The following HOMER2 variants were observed in gnomAD, a reference collection of about 807,000 sequenced individuals.
HOMER2 encodes homer protein homolog 2.
HOMER2 carries 27 observed loss-of-function variants against 47.0 expected under a neutral mutation model. That is an observed-to-expected ratio of 0.57 (90% CI 0.42 to 0.79). The LOEUF (loss-of-function observed/expected upper bound fraction) is 0.79. HOMER2 is among the 30% of genes least tolerant of loss of function. The probability of loss-of-function intolerance (pLI) is 0.00; values close to 1 mark genes in which losing one functional copy is unlikely to be tolerated. For missense variants in HOMER2, 443 were observed against 435.0 expected (o/e 1.02, Z -0.16); for synonymous variants, 161 against 163.8 (o/e 0.98, Z 0.13).
chr15:82,903,910 G>GCAGATCAGTTGACGC (rs1463970705), intron 1 of HOMER2, among the ~76,000 whole-genome samples: 3 of 152,226 alleles, frequency 2.0e-5, no homozygotes. Context: ...GCCAAGGCGG[G>GCAGATCAGTTGACGC]CAGATCAGTT....
intron 1 of HOMER2, among the ~76,000 whole-genome samples, chr15:82,952,229 C>T (rs956550983): frequency 2.6e-5 from 4 of 152,238 alleles, no homozygotes; most frequent in Non-Finnish European, 4.4e-5. Flanking sequence ...GCGGAATGGC[C>T]GAGGCAGGAG....
At chr15:82,933,042 T>A (rs183107136) in intron 1 of HOMER2, among the ~76,000 whole-genome samples, 81 of 152,008 alleles carry the variant, frequency 5.3e-4, no homozygotes, top group African/African-American at 1.6e-3. Flanking sequence ...GCTCAAGTTG[T>A]CCCTTCTCTA....
intron 2 of HOMER2, among the ~76,000 whole-genome samples, chr15:82,889,286 C>A (rs1365565600): frequency 2.0e-5 from 3 of 152,130 alleles, no homozygotes; most frequent in Admixed American, 6.5e-5. Flanking sequence ...TTCATACTCC[C>A]CCAGCCCAGG....
intron 1 of HOMER2, among the ~76,000 whole-genome samples, chr15:82,901,940 G>C (rs2053133137): frequency 6.6e-6 from 1 of 152,192 alleles, no homozygotes; most frequent in Admixed American, 6.5e-5. Context: ...CCACAACACA[G>C]GTGTATTCTT....
intron 2 of HOMER2, among the ~76,000 whole-genome samples, chr15:82,878,048 CA>C (rs1256258038): frequency 6.6e-6 from 1 of 152,196 alleles, no homozygotes; most frequent in African/African-American, 2.4e-5. Context: ...GGTCATCTCT[CA>C]ATTACCAGAA....
intron 2 of HOMER2, 115 bp downstream of exon 2, chr15:82,892,570 T>A (rs1019489453): frequency 2.6e-6 from 2 of 760,614 alleles, no homozygotes; most frequent in Non-Finnish European, 3.9e-6. Flanking sequence ...AAGAACAGAA[T>A]ATGTTATACA....
chr15:82,899,842 G>A (rs994990563), intron 1 of HOMER2, among the ~76,000 whole-genome samples: 30 of 152,110 alleles, frequency 2.0e-4, no homozygotes, highest in Admixed American at 1.7e-3. Flanking sequence ...GGCCAACATG[G>A]CAAAACACAT....
chr15:82,866,322 C>T (rs11857152), intron 3 of HOMER2, among the ~76,000 whole-genome samples: 1,531 of 152,326 alleles, frequency 0.01, 31 homozygotes, highest in African/African-American at 0.035. Flanking sequence ...GTCAATTTCT[C>T]CCATTTGGAA....
intron 8 of HOMER2, among the ~76,000 whole-genome samples, chr15:82,850,885 G>T (rs1219585811): frequency 6.6e-6 from 1 of 152,156 alleles, no homozygotes; most frequent in African/African-American, 2.4e-5. Context: ...CCAGGGATCT[G>T]CAAGGAAACA....
chr15:82,965,048 C>A (rs1024621027), intron 1 of HOMER2, among the ~76,000 whole-genome samples: 1 of 152,142 alleles, frequency 6.6e-6, no homozygotes, highest in Non-Finnish European at 1.5e-5. Flanking sequence ...GAGACAGGGT[C>A]TCACTGCATT....
chr15:82,953,858 G>T (rs971153732), upstream of HOMER2, among the ~76,000 whole-genome samples: 1 of 152,104 alleles, frequency 6.6e-6, no homozygotes, highest in African/African-American at 2.4e-5. Flanking sequence ...ACTCCAGCCT[G>T]GGCAACAGAG....
At chr15:82,893,715 C>CT (rs1446360613) in intron 1 of HOMER2, among the ~76,000 whole-genome samples, 1 of 151,096 alleles carries the variant, frequency 6.6e-6, no homozygotes, top group Non-Finnish European at 1.5e-5. Context: ...GCCTGGATCT[C>CT]TGAGGCTCAA....
chr15:82,895,121 T>C (rs2052864983), intron 1 of HOMER2, among the ~76,000 whole-genome samples: 1 of 152,192 alleles, frequency 6.6e-6, no homozygotes. Flanking sequence ...AATGCAGCTG[T>C]TTACAGAGGC....
At chr15:82,850,102 C>T (rs960235456) in intron 8 of HOMER2, among the ~76,000 whole-genome samples, 199 bp from the exon 9 acceptor site, 1 of 152,220 alleles carries the variant, frequency 6.6e-6, no homozygotes, top group Non-Finnish European at 1.5e-5. Context: ...CTTCAGTGAC[C>T]TCCTCCTTTC....
downstream of HOMER2, chr15:82,844,934 T>A (rs2051218439): frequency 1.3e-5 from 2 of 152,204 alleles, no homozygotes; most frequent in Non-Finnish European, 2.9e-5. Context: ...CGCCAAAACA[T>A]GCACCACTTG....
intron 1 of HOMER2, among the ~76,000 whole-genome samples, chr15:82,928,079 C>G (rs969625323): frequency 1.3e-5 from 2 of 151,976 alleles, no homozygotes; most frequent in African/African-American, 4.8e-5. Flanking sequence ...AACTCTGTAT[C>G]CTCTCAACCA....
chr15:82,922,707 G>T (rs569569764), intron 1 of HOMER2, among the ~76,000 whole-genome samples: 67 of 152,258 alleles, frequency 4.4e-4, no homozygotes, highest in Non-Finnish European at 7.6e-4. Flanking sequence ...GTGTCCGCCT[G>T]TCCAGCTATT....
At chr15:82,954,831 T>G (rs2054571641), upstream of HOMER2, among the ~76,000 whole-genome samples, 1 of 151,656 alleles carries the variant, frequency 6.6e-6, no homozygotes, top group African/African-American at 2.4e-5. Flanking sequence ...CAGGCTGGAG[T>G]GCAGTGGCAT....
intron 1 of HOMER2, among the ~76,000 whole-genome samples, chr15:82,928,071 C>T (rs2053900156): frequency 6.6e-6 from 1 of 151,984 alleles, no homozygotes; most frequent in Admixed American, 6.6e-5. Context: ...CCCGGCCCAA[C>T]TCTGTATCCT....
Sources: allele counts gnomAD v4.1 joint callset (sites outside exome capture counted in the v4.1 genomes callset), GRCh38; gene constraint gnomAD v4.1.1; transcripts MANE v1.5; gene names NCBI Gene and HGNC (gene_info 2026-07-23, HGNC 2026-07-21).